The following ATXN2 variants were observed in gnomAD, a reference collection of about 807,000 sequenced individuals.
ATXN2 encodes ataxin-2.
Under a neutral mutation model 138.6 loss-of-function variants are expected in ATXN2, and 37 were observed. That is an observed-to-expected ratio of 0.27 (90% confidence interval 0.21 to 0.35). The LOEUF is 0.35. ATXN2 is among the 10% of genes least tolerant of loss of function. The probability of loss-of-function intolerance (pLI) is 1.00; values close to 1 mark genes in which losing one functional copy is unlikely to be tolerated. For synonymous variants in ATXN2, 549 were observed against 543.7 expected (o/e 1.01, Z -0.13); for missense variants, 1,216 against 1,480.3 (o/e 0.82, Z 2.93).
Position 111,510,410 on chromosome 12 carries a change from G to C in ATXN2, c.1731C>G (p.Asn577Lys), listed in dbSNP as rs572579609. The change falls in exon 12 of 25, where the codon AAC (asparagine) becomes AAG (lysine). Residue 577 changes from asparagine to lysine, a missense_variant. By Grantham distance (94) the Asn-to-Lys change is moderately conservative (BLOSUM62 0). This residue lies in a region of ATXN2 where 215 missense variants were observed against 210.0 expected (regional missense o/e 1.02). Transcript: ENST00000673436. ...CCTCACTAGAAGGGGTAACAGCTCT[G>C]TTCGATGCAGGACTAGCAGGCGTAG... ...ASPTPASPAS[N>K]RAVTPSSEAK... is the part of the protein sequence containing the mutation. The C allele has an allele frequency of 1.7e-5, 27 of 1,614,124 alleles. No homozygotes were observed. In the South Asian group the frequency reaches 2.4e-4, roughly 14 times the overall value.
chr12:111,555,822 T>C (rs1043128373), intron 2 of ATXN2, 61 bp downstream of exon 2: 15 of 1,394,560 alleles, frequency 1.1e-5, no homozygotes, highest in Admixed American at 8.7e-5. Flanking sequence ...ATTTGGTCTG[T>C]GGTTAGAGAT....
intron 7 of ATXN2, 49 bp from the exon 8 acceptor site, chr12:111,520,125 T>C: frequency 6.3e-7 from 1 of 1,583,352 alleles, no homozygotes; most frequent in Non-Finnish European, 8.6e-7. Context: ...AAAGCCACAG[T>C]TTATGTATCT....
intron 20 of ATXN2, chr12:111,468,575 T>C (rs1876185593): frequency 6.6e-6 from 1 of 152,194 alleles, no homozygotes; most frequent in African/African-American, 2.4e-5. Flanking sequence ...TGATTGCTGC[T>C]GCCCAAGTCC....
rs760866567 is a variant in ATXN2 at position 111,477,965 on chromosome 12, C to CTT, written c.2525-7225_2525-7224dup. On this transcript the variant is annotated intron_variant, in intron 18 of 24. Coordinates refer to ENST00000673436, the MANE Select transcript of ATXN2 (RefSeq NM_001372574.1). ...TGTGCCTGGCTAATTTTTCTTTTTT[C>CTT]TTTTTTTTTTTTGCAAAGACAGGGT... 0.011 allele frequency among the ~76,000 whole-genome samples: 1,550 copies of CTT among 144,390 alleles called. 85 individuals carry two copies. In the South Asian group the frequency reaches 0.15, roughly 14 times the overall value. 94.7% of individuals were successfully genotyped at this position (144,390 alleles called of 152,430 possible).
intron 1 of ATXN2, among the ~76,000 whole-genome samples, chr12:111,575,455 TAC>T (rs1288321486): frequency 2.0e-5 from 3 of 152,100 alleles, no homozygotes; most frequent in African/African-American, 7.2e-5. Context: ...TGGGGAGGTT[TAC>T]AGACATGACC....
intron 1 of ATXN2, among the ~76,000 whole-genome samples, chr12:111,597,200 C>T (rs1884981188): frequency 6.6e-6 from 1 of 152,088 alleles, no homozygotes; most frequent in Non-Finnish European, 1.5e-5. Flanking sequence ...CTGTTTCCGC[C>T]CCCTTTGAAG....
intron 8 of ATXN2, among the ~76,000 whole-genome samples, chr12:111,519,418 A>G (rs1165056981): frequency 1.3e-5 from 2 of 152,194 alleles, no homozygotes; most frequent in Non-Finnish European, 2.9e-5. Flanking sequence ...TCATCAGGTG[A>G]TAAACTCTTC....
chr12:111,530,482 G>C (rs781387416), intron 5 of ATXN2, among the ~76,000 whole-genome samples: 1 of 152,178 alleles, frequency 6.6e-6, no homozygotes, highest in Non-Finnish European at 1.5e-5. Flanking sequence ...TAAGAAAGGG[G>C]AAGTAAAATG....
chr12:111,583,783 A>C (rs1452865537), intron 1 of ATXN2, among the ~76,000 whole-genome samples: 1 of 151,268 alleles, frequency 6.6e-6, no homozygotes, highest in African/African-American at 2.4e-5. Flanking sequence ...AAAAAAAAAA[A>C]AAAAAAACAG....
At chr12:111,454,854 T>C (rs1874945016) in intron 23 of ATXN2, 1 of 541,170 alleles carries the variant, frequency 1.8e-6, no homozygotes, top group Non-Finnish European at 3.3e-6. Context: ...GCCACCAGCC[T>C]CTGGTAGACA....
At chr12:111,466,404 G>A (rs926037320) in intron 20 of ATXN2, among the ~76,000 whole-genome samples, 1 of 151,574 alleles carries the variant, frequency 6.6e-6, no homozygotes, top group African/African-American at 2.4e-5. Flanking sequence ...GGGAGGCTGA[G>A]GTAGGAGAAT....
chr12:111,460,821 G>A (rs1875523201), intron 21 of ATXN2, among the ~76,000 whole-genome samples: 1 of 152,044 alleles, frequency 6.6e-6, no homozygotes, highest in African/African-American at 2.4e-5. Flanking sequence ...ATTTTTAAAA[G>A]GCATCTCTGC....
At chr12:111,489,848 T>C (rs1328027381) in intron 14 of ATXN2, among the ~76,000 whole-genome samples, 1 of 152,088 alleles carries the variant, frequency 6.6e-6, no homozygotes, top group Non-Finnish European at 1.5e-5. Flanking sequence ...GACACACATG[T>C]ACAAGTGAGT....
intron 1 of ATXN2, among the ~76,000 whole-genome samples, chr12:111,572,216 A>C (rs1883361658): frequency 6.6e-6 from 1 of 152,042 alleles, no homozygotes; most frequent in Admixed American, 6.6e-5. Context: ...CCTGACCAAA[A>C]TGGTGAAACC....
At chr12:111,571,511 CAAT>C (rs1267196602) in intron 1 of ATXN2, among the ~76,000 whole-genome samples, 2 of 151,794 alleles carry the variant, frequency 1.3e-5, no homozygotes, top group African/African-American at 2.4e-5. Flanking sequence ...AATGGCAGAA[CAAT>C]GATGGAGGAG....
rs1882180806 is a variant in ATXN2 at position 111,552,587 on chromosome 12, A to AT, written c.421-158dup. On this transcript the variant is annotated intron_variant, in intron 4 of 24. Transcript: ENST00000673436. The surrounding 1 kb of genome is among the most constrained non-coding windows in gnomAD (Gnocchi z 4.1). ...TTCCCAGGCATATGATCTATTATCC[A>AT]TTCCATCATTTAAAAATCCTCATAT... The AT allele has an allele frequency of 1.4e-6, 1 of 726,788 alleles. No individual in the cohort carries two copies. Among genetic ancestry groups the AT allele is most frequent in the Admixed American group, 3.7e-5 (1 of 27,178 alleles). 45.0% of individuals were successfully genotyped at this position (726,788 alleles called of 1,614,324 possible).
chr12:111,510,659 G>T, intron 11 of ATXN2, 77 bp from the exon 12 acceptor site: 1 of 1,316,326 alleles, frequency 7.6e-7, no homozygotes, highest in Non-Finnish European at 1.1e-6. Flanking sequence ...AGGCTTCTCT[G>T]AAGATCTAGG....
chr12:111,580,878 T>C (rs933233432), intron 1 of ATXN2, among the ~76,000 whole-genome samples: 3 of 152,122 alleles, frequency 2.0e-5, no homozygotes. Flanking sequence ...TGGTGGCTCA[T>C]GCCTATAATC....
At chr12:111,549,041 G>T (rs1264761294) in intron 5 of ATXN2, among the ~76,000 whole-genome samples, 1 of 151,900 alleles carries the variant, frequency 6.6e-6, no homozygotes, top group Non-Finnish European at 1.5e-5. Context: ...AATTCTCAAG[G>T]CCACAGAACA....
Sources: allele counts gnomAD v4.1 joint callset (sites outside exome capture counted in the v4.1 genomes callset), GRCh38; gene constraint gnomAD v4.1.1; regional missense constraint gnomAD v4.1.1; non-coding constraint Gnocchi (gnomAD v3.1); transcripts MANE v1.5; gene names NCBI Gene and HGNC (gene_info 2026-07-23, HGNC 2026-07-21).